The following MTFR2 variants were observed in gnomAD, a reference collection of about 807,000 sequenced individuals.
The protein encoded by MTFR2 is DUF729 domain-containing protein 1.
In MTFR2, 44 loss-of-function variants were observed where a neutral mutation model predicts 41.2. The ratio of observed to expected loss-of-function variants is 1.07; its 90% CI spans 0.84 to 1.37. The LOEUF (loss-of-function observed/expected upper bound fraction) is 1.37. Among genes scored for constraint, MTFR2 ranks in the 40% most tolerant of loss-of-function variants. The pLI, the probability that MTFR2 is intolerant of heterozygous loss-of-function variation, is 0.00. For missense variants in MTFR2, 452 were observed against 459.5 expected, an observed-to-expected ratio of 0.98 and a Z score of 0.15; for synonymous variants, 141 against 154.6, an observed-to-expected ratio of 0.91 and a Z score of 0.65.
At chr6:136,238,859 G>C (rs1779974131) in intron 6 of MTFR2, among the ~76,000 whole-genome samples, 1 of 152,096 alleles carries the variant, frequency 6.6e-6, no homozygotes, top group African/African-American at 2.4e-5. Flanking sequence ...TTGAGCTCAG[G>C]AGTTAGAGAC....
At chr6:136,237,760 G>T (rs1779945507) in intron 6 of MTFR2, among the ~76,000 whole-genome samples, 1 of 151,846 alleles carries the variant, frequency 6.6e-6, no homozygotes, top group Non-Finnish European at 1.5e-5. Flanking sequence ...AAGCTGCAGT[G>T]AGCCAAGATC....
intron 3 of MTFR2, 48 bp downstream of exon 3, chr6:136,244,717 G>T: frequency 7.8e-7 from 1 of 1,282,446 alleles, no homozygotes; most frequent in South Asian, 1.2e-5. Context: ...AGAGTACCTA[G>T]GATTATTTTG....
chr6:136,241,658 A>G lies in MTFR2; in HGVS notation c.300T>C (p.Asn100=). ...GAAAAATTTCCACTTTCTCTTCTTC[A>G]TTTTTCCATATACTATTTCTGTGGG... ...YLRFRNSIWK[N]EEEKVEIFHP... Residue 100 remains asparagine (N), a synonymous_variant, in exon 5 of 8, where the codon AAT becomes AAC. Transcript: ENST00000420702. 1.2e-6 allele frequency: 2 copies of G among 1,611,494 alleles called. No individual in the cohort carries two copies. Among genetic ancestry groups the G allele is most frequent in the Non-Finnish European group, 1.7e-6 (2 of 1,179,354 alleles).
At chr6:136,244,733 G>T in intron 3 of MTFR2, 32 bp downstream of exon 3, 1 of 1,415,162 alleles carries the variant, frequency 7.1e-7, no homozygotes, top group Non-Finnish European at 1.0e-6. Flanking sequence ...TTTTGTACTT[G>T]GTACTTAAAC....
intron 5 of MTFR2, among the ~76,000 whole-genome samples, chr6:136,240,920 T>G (rs547975962): frequency 6.6e-6 from 1 of 152,048 alleles, no homozygotes; most frequent in South Asian, 2.1e-4. Context: ...TGAAACCCCG[T>G]CTCTACTAAA....
intron 2 of MTFR2, chr6:136,248,736 A>G (rs79282471): frequency 0.01 from 3,560 of 340,498 alleles, 88 homozygotes; most frequent in East Asian, 0.079. Context: ...TTTATAAATT[A>G]CCTTGAATAG....
chr6:136,242,135 T>C (rs917057909), intron 4 of MTFR2, among the ~76,000 whole-genome samples: 13 of 150,866 alleles, frequency 8.6e-5, no homozygotes, highest in Non-Finnish European at 1.8e-4. Context: ...CATGATTGTT[T>C]CTAGAGTCAC....
intron 3 of MTFR2, among the ~76,000 whole-genome samples, chr6:136,243,289 T>C (rs1267352168): frequency 1.3e-5 from 2 of 152,216 alleles, no homozygotes; most frequent in Non-Finnish European, 2.9e-5. Context: ...AACATTTAGG[T>C]CGATCATGGA....
intron 5 of MTFR2, 107 bp downstream of exon 5, chr6:136,241,337 T>A: frequency 2.5e-6 from 2 of 798,014 alleles, no homozygotes; most frequent in Non-Finnish European, 3.9e-6. Context: ...GATGTTCCTG[T>A]ATGCTACTAT....
chr6:136,237,416 TAAAAC>T (rs1226165529), intron 6 of MTFR2, among the ~76,000 whole-genome samples: 1 of 152,006 alleles, frequency 6.6e-6, no homozygotes, highest in Non-Finnish European at 1.5e-5. Flanking sequence ...AGAGGAAACT[TAAAAC>T]AAACCTACAC....
At chr6:136,240,056 G>GGA (rs1489316554) in intron 5 of MTFR2, among the ~76,000 whole-genome samples, 2 of 147,400 alleles carry the variant, frequency 1.4e-5, no homozygotes, top group African/African-American at 5.4e-5. Flanking sequence ...AGAGCGGGGA[G>GGA]GAGAATGCAT....
intron 4 of MTFR2, among the ~76,000 whole-genome samples, chr6:136,242,423 T>C (rs1170777662): frequency 6.6e-6 from 1 of 152,320 alleles, no homozygotes; most frequent in Middle Eastern, 3.4e-3. Context: ...TGAAAATTGG[T>C]GCCAGTTTGA....
chr6:136,242,573 C>T (rs939984041), intron 4 of MTFR2, among the ~76,000 whole-genome samples: 7 of 151,998 alleles, frequency 4.6e-5, no homozygotes, highest in African/African-American at 1.2e-4. Context: ...ACATCATTGC[C>T]TGGTGCACAG....
rs1381723826 is a variant in MTFR2, at chr6:136,242,913, CA to C, written c.228del (p.Phe76LeufsTer38). Reference protein sequence around the residue: ...SDNCGSMVPSFADILYVANDE... With the variant: ...SDNCGSMVPSXADILYVANDE... ...TCATTTGCCACATACAAAATATCAGCAAAAGATGGAACCATAGATCCACAAT... is the reference window on the plus strand; with the variant it reads ...TCATTTGCCACATACAAAATATCAGCAAAGATGGAACCATAGATCCACAAT... On this transcript the variant is annotated frameshift_variant, in exon 4 of 8. Coordinates refer to ENST00000420702, the MANE Select transcript of MTFR2 (RefSeq NM_001099286.3). LOFTEE classifies it high-confidence loss of function. 23 of 1,612,900 alleles carry C rather than the reference CA, an allele frequency of 1.4e-5. No individual in the cohort carries two copies. The Admixed American group carries it at 3.7e-4, about 26-fold the overall frequency.
chr6:136,239,641 C>T lies in MTFR2; in HGVS notation c.694G>A (p.Gly232Arg), dbSNP rs1200657925. The T allele has an allele frequency of 2.5e-6, 4 of 1,613,862 alleles. No homozygotes were observed. The highest frequency in any genetic ancestry group is 1.3e-5 in the African/African-American group (1 of 74,854). The stretch of plus-strand genomic sequence containing the variant: ...TCTGAGTCACAAATATTATTAGATC[C>T]TGGTTGTACGGGAGGAAAACACGGT... ...QPPCFPPVQP[G>R]SNNICDSDNP... The change falls in exon 6 of 8, where the codon GGA becomes AGA. Residue 232 changes from glycine to arginine, a missense_variant. Physicochemically the swap from Gly to Arg is moderately radical, Grantham distance 125. Coordinates refer to ENST00000420702, the MANE Select transcript of MTFR2 (RefSeq NM_001099286.3).
At chr6:136,232,733 C>A (rs1373951977) in intron 7 of MTFR2, among the ~76,000 whole-genome samples, 2 of 152,126 alleles carry the variant, frequency 1.3e-5, no homozygotes, top group Non-Finnish European at 2.9e-5. Context: ...GTGAAAACCA[C>A]CCCAAAATTA....
intron 4 of MTFR2, 83 bp from the exon 5 acceptor site, chr6:136,241,759 A>C (rs1780080303): frequency 2.8e-6 from 3 of 1,066,252 alleles, no homozygotes; most frequent in Non-Finnish European, 4.1e-6. Flanking sequence ...CCTACGTGAA[A>C]ATCAAAAGAC....
At chr6:136,249,277 T>C (rs568342130) in intron 1 of MTFR2, 124 bp from the exon 2 acceptor site, 1 of 514,100 alleles carries the variant, frequency 1.9e-6, no homozygotes, top group African/African-American at 2.0e-5. Context: ...AGCATTCTTT[T>C]AAGTCAGAGA....
rs1480202356 is a variant in MTFR2 at position 136,244,839 on chromosome 6, CAT to C, written c.92_93del (p.Tyr31TrpfsTer4). ...QVLLIWENKDYGSTRSIVRII... is the reference protein window; with the variant it reads ...QVLLIWENKDXGSTRSIVRII... Reference sequence around the variant, plus strand: ...ATACGAACAATACTCCTAGTTGATCCATAGTCTTTATTTTCCCAAATCAGCAA... The same window carrying C: ...ATACGAACAATACTCCTAGTTGATCCAGTCTTTATTTTCCCAAATCAGCAA... On this transcript the variant is annotated frameshift_variant, in exon 3 of 8. Transcript: ENST00000420702. LOFTEE classifies it high-confidence loss of function. The C allele has an allele frequency of 6.2e-7, 1 of 1,611,210 alleles. No homozygotes were observed.
Sources: gnomAD v4.1 joint callset for allele counts (sites outside exome capture counted in the v4.1 genomes callset) on GRCh38, gnomAD v4.1.1 for gene constraint, MANE v1.5 for transcripts, NCBI Gene and HGNC (gene_info 2026-07-23, HGNC 2026-07-21) for gene names.